RAB30: variants seen among roughly 807,000 people sequenced by gnomAD.
The protein encoded by RAB30 is RAB30, member RAS oncogene family, also known as ras-related protein Rab-30.
Under a neutral mutation model 25.1 loss-of-function variants are expected in RAB30, and 9 were observed. The ratio of observed to expected loss-of-function variants is 0.36; its 90% CI spans 0.22 to 0.63. RAB30 has a LOEUF of 0.63. RAB30 is among the 20% of genes least tolerant of loss of function. The pLI is 0.69. For synonymous variants in RAB30, 77 were observed against 86.4 expected (o/e 0.89, Z 0.60); for missense variants, 140 against 243.5 (o/e 0.58, Z 2.83).
At chr11:83,036,792 G>A (rs962374618) in intron 1 of RAB30, among the ~76,000 whole-genome samples, 2 of 152,176 alleles carry the variant, frequency 1.3e-5, no homozygotes, top group African/African-American at 4.8e-5. Flanking sequence ...GGAAAAGAGC[G>A]CAGGCAATAG....
At chr11:82,992,644 T>C (rs1284327668) in intron 3 of RAB30, among the ~76,000 whole-genome samples, 1 of 151,958 alleles carries the variant, frequency 6.6e-6, no homozygotes, top group East Asian at 1.9e-4. Flanking sequence ...CCAGTTTTCA[T>C]TGTGCTGCTG....
intron 1 of RAB30, among the ~76,000 whole-genome samples, chr11:83,053,486 A>G (rs1349859026): frequency 3.3e-5 from 5 of 152,148 alleles, no homozygotes; most frequent in Non-Finnish European, 7.3e-5. Context: ...AAAATCACAT[A>G]TATTACCCAG....
At chr11:82,999,835 G>A (rs1004407685) in intron 1 of RAB30, among the ~76,000 whole-genome samples, 1 of 151,902 alleles carries the variant, frequency 6.6e-6, no homozygotes, top group African/African-American at 2.4e-5. Context: ...CCTGCTCTAG[G>A]CTCCCACAAT....
intron 1 of RAB30, chr11:82,997,551 A>T: frequency 2.1e-6 from 1 of 470,392 alleles, no homozygotes; most frequent in South Asian, 2.7e-5. Flanking sequence ...AATGACGCAG[A>T]TGTCGTTTCA....
rs1856526462 is a variant in RAB30, at chr11:82,975,359, C to G, written c.*6806G>C. The G allele has an allele frequency of 6.6e-6, 1 of 152,074 alleles. No individual in the cohort carries two copies. The allele number at this position is 152,074 out of a possible 1,614,324, so 9.4% of individuals were successfully genotyped here. A position where few individuals can be genotyped will look rare whatever the true frequency, so the allele number is the denominator to read the frequency against. On this transcript the variant is annotated 3_prime_UTR_variant, in exon 5 of 5. Transcript: ENST00000527633. ...ATTTAATCCAGGCATAAATGTGTAA[C>G]CTTAAACAAAAACTGTGCATTATTC...
chr11:83,067,149 T>G (rs1260967598), intron 1 of RAB30, among the ~76,000 whole-genome samples: 1 of 152,172 alleles, frequency 6.6e-6, no homozygotes, highest in Non-Finnish European at 1.5e-5. Flanking sequence ...AAAGTACCTC[T>G]TTGTACGTGA....
chr11:83,049,227 T>A (rs1257854015), intron 1 of RAB30, among the ~76,000 whole-genome samples: 1 of 151,896 alleles, frequency 6.6e-6, no homozygotes, highest in African/African-American at 2.4e-5. Context: ...CTGGCCAACA[T>A]GGTGAAACCC....
chr11:82,994,292 A>G (rs554475155), intron 2 of RAB30, among the ~76,000 whole-genome samples, 170 bp from the exon 3 acceptor site: 2 of 152,314 alleles, frequency 1.3e-5, no homozygotes, highest in Admixed American at 1.3e-4. Context: ...CTCTGTATGT[A>G]TGTCTTGAGG....
chr11:83,026,915 GA>G (rs1857732250), intron 1 of RAB30, among the ~76,000 whole-genome samples: 1 of 152,278 alleles, frequency 6.6e-6, no homozygotes, highest in South Asian at 2.1e-4. Context: ...AGCATACTCA[GA>G]AAATGTGGAA....
At chr11:83,005,094 T>C (rs1254995251) in intron 1 of RAB30, among the ~76,000 whole-genome samples, 2 of 152,196 alleles carry the variant, frequency 1.3e-5, no homozygotes, top group Admixed American at 6.5e-5. Flanking sequence ...CATTTTTACA[T>C]TGCCCTTTAT....
chr11:83,059,115 G>A (rs1020714317), intron 1 of RAB30, among the ~76,000 whole-genome samples: 1 of 152,062 alleles, frequency 6.6e-6, no homozygotes, highest in Non-Finnish European at 1.5e-5. Flanking sequence ...GCTAATTTTT[G>A]TATTTTTGTA....
chr11:82,991,799 A>G (rs1330591825), intron 3 of RAB30, among the ~76,000 whole-genome samples: 2 of 152,238 alleles, frequency 1.3e-5, no homozygotes, highest in African/African-American at 4.8e-5. Context: ...CTGTGAATAC[A>G]AATATGAGTA....
intron 1 of RAB30, among the ~76,000 whole-genome samples, chr11:83,040,397 G>T (rs866939653): frequency 2.0e-5 from 3 of 152,034 alleles, no homozygotes; most frequent in African/African-American, 4.8e-5. Flanking sequence ...TTCGAGACTA[G>T]CCTGACCAAC....
In RAB30 at chr11:82,979,378, G is replaced by GAT. The variant is rs1856601341; in HGVS notation, c.*2785_*2786dup. 2.6e-5 allele frequency: 4 copies of GAT among 152,104 alleles called. No individual in the cohort carries two copies. Among genetic ancestry groups the GAT allele is most frequent in the Admixed American group, 2.6e-4 (4 of 15,264 alleles). 9.4% of individuals were successfully genotyped at this position (152,104 alleles called of 1,614,324 possible). On this transcript the variant is annotated 3_prime_UTR_variant, in exon 5 of 5. Transcript: ENST00000527633. Reference sequence around the variant, plus strand: ...TAGACCGAGCCAAATTAAACTATATGATAAAGCAATTTCTCTTTTTTCATC... The same window carrying GAT: ...TAGACCGAGCCAAATTAAACTATATGATATAAAGCAATTTCTCTTTTTTCATC...
chr11:83,068,983 CCA>C (rs780210408), intron 1 of RAB30, among the ~76,000 whole-genome samples: 6 of 152,160 alleles, frequency 3.9e-5, no homozygotes, highest in East Asian at 1.9e-4. Context: ...ACTGATGTAT[CCA>C]CAGTGCTTAG....
chr11:82,994,480 C>T (rs754593955), intron 2 of RAB30, among the ~76,000 whole-genome samples: 21 of 151,988 alleles, frequency 1.4e-4, no homozygotes, highest in African/African-American at 2.2e-4. Context: ...GAAGGGCATG[C>T]GACCACAGGG....
At chr11:83,036,114 A>T (rs909645454) in intron 1 of RAB30, among the ~76,000 whole-genome samples, 7 of 152,052 alleles carry the variant, frequency 4.6e-5, no homozygotes, top group African/African-American at 1.7e-4. Context: ...GCCCAGAAAG[A>T]TAGCATAATT....
intron 3 of RAB30, among the ~76,000 whole-genome samples, chr11:82,993,830 T>C (rs1590839691): frequency 6.6e-6 from 1 of 152,240 alleles, no homozygotes; most frequent in Admixed American, 6.5e-5. Flanking sequence ...AGCCATTTTC[T>C]GTCTTCTAAT....
At chr11:83,033,314 C>T (rs918682805) in intron 1 of RAB30, among the ~76,000 whole-genome samples, 5 of 152,114 alleles carry the variant, frequency 3.3e-5, no homozygotes, top group African/African-American at 4.8e-5. Context: ...GATCTGCTCA[C>T]CTTGGCTTCC....
Sources: gnomAD v4.1 joint callset for allele counts (sites outside exome capture counted in the v4.1 genomes callset) on GRCh38, gnomAD v4.1.1 for gene constraint, MANE v1.5 for transcripts, NCBI Gene and HGNC (gene_info 2026-07-23, HGNC 2026-07-21) for gene names.